The following SNX29 variants were observed in gnomAD, a reference collection of about 807,000 sequenced individuals.
SNX29 encodes sorting nexin-29.
In SNX29, 78 loss-of-function variants were observed where a neutral mutation model predicts 102.1. The ratio of observed to expected loss-of-function variants is 0.76; its 90% CI spans 0.64 to 0.92. SNX29 has a LOEUF of 0.92. SNX29 is among the 40% of genes least tolerant of loss of function. The pLI is 0.00. For synonymous variants in SNX29, 580 were observed against 414.5 expected, an observed-to-expected ratio of 1.40 and a Z score of -4.85; for missense variants, 1,280 against 1,061.7, an observed-to-expected ratio of 1.21 and a Z score of -2.86.
intron 19 of SNX29, among the ~76,000 whole-genome samples, chr16:12,501,741 A>AAG (rs2089136378): frequency 6.7e-6 from 1 of 150,262 alleles, no homozygotes; most frequent in Admixed American, 6.8e-5. Context: ...AAAAAAAAAA[A>AAG]AAAAAAAAAA....
chr16:12,354,670 A>G (rs372339264), intron 15 of SNX29, among the ~76,000 whole-genome samples: 2 of 152,330 alleles, frequency 1.3e-5, no homozygotes, highest in Non-Finnish European at 1.5e-5. Context: ...GAATGGATTC[A>G]CAGCCCAGAG....
intron 13 of SNX29, among the ~76,000 whole-genome samples, chr16:12,138,224 T>C (rs75526889): frequency 1.3e-5 from 2 of 150,926 alleles, no homozygotes; most frequent in Non-Finnish European, 3.0e-5. Flanking sequence ...TTTTTTTTTT[T>C]TGAGGTGGAG....
At chr16:12,420,175 T>A (rs1373500143) in intron 18 of SNX29, among the ~76,000 whole-genome samples, 1 of 152,220 alleles carries the variant, frequency 6.6e-6, no homozygotes, top group Non-Finnish European at 1.5e-5. Flanking sequence ...CTAAGATGTC[T>A]CCAGCATTGA....
chr16:12,393,392 T>TCATGCATG (rs374651159), intron 16 of SNX29, among the ~76,000 whole-genome samples: 43,181 of 141,592 alleles, frequency 0.3, 7,834 homozygotes, highest in East Asian at 0.46. Flanking sequence ...ATTCATTCAT[T>TCATGCATG]CATGCATGCA....
intron 16 of SNX29, 76 bp downstream of exon 16, chr16:12,356,355 C>A (rs2082136795): frequency 1.5e-6 from 2 of 1,359,654 alleles, no homozygotes; most frequent in African/African-American, 1.4e-5. Context: ...CAGAGACTCA[C>A]AGAGCAAGCA....
intron 20 of SNX29, among the ~76,000 whole-genome samples, chr16:12,531,402 C>G (rs947331981): frequency 2.6e-5 from 4 of 151,802 alleles, no homozygotes; most frequent in Non-Finnish European, 2.9e-5. Flanking sequence ...CTAGGGTGCC[C>G]TCAAAATGTT....
chr16:12,484,191 C>T (rs886200287), intron 19 of SNX29, among the ~76,000 whole-genome samples: 2 of 152,134 alleles, frequency 1.3e-5, no homozygotes, highest in African/African-American at 4.8e-5. Context: ...CTCTGTCACC[C>T]AGGCTGGAGT....
At chr16:12,297,202 T>C (rs1349638116) in intron 15 of SNX29, 2 of 152,370 alleles carry the variant, frequency 1.3e-5, no homozygotes, top group Admixed American at 6.5e-5. Context: ...ACGGCACCTG[T>C]TGGGGTCTGG....
intron 16 of SNX29, chr16:12,373,746 C>G (rs898161388): frequency 2.6e-5 from 4 of 152,134 alleles, no homozygotes; most frequent in African/African-American, 9.7e-5. Flanking sequence ...TCCTGACTAC[C>G]GATGCCCTGA....
intron 6 of SNX29, among the ~76,000 whole-genome samples, 167 bp downstream of exon 6, chr16:12,046,621 T>A (rs903998776): frequency 5.3e-5 from 8 of 152,324 alleles, no homozygotes; most frequent in Admixed American, 1.3e-4. Context: ...GTTGGTTTTT[T>A]AATTTGTATT....
At chr16:12,387,078 T>C (rs1346583828) in intron 16 of SNX29, among the ~76,000 whole-genome samples, 2 of 151,128 alleles carry the variant, frequency 1.3e-5, no homozygotes, top group African/African-American at 2.4e-5. Flanking sequence ...TGAGCCGAGA[T>C]TGTGCCACTG....
intron 11 of SNX29, among the ~76,000 whole-genome samples, chr16:12,123,806 C>T (rs1049481623): frequency 5.9e-5 from 9 of 152,168 alleles, no homozygotes; most frequent in Non-Finnish European, 8.8e-5. Context: ...AAGGGCTGGA[C>T]AGTAGATATT....
At chr16:12,292,888 C>T (rs1596787831) in intron 15 of SNX29, among the ~76,000 whole-genome samples, 1 of 152,158 alleles carries the variant, frequency 6.6e-6, no homozygotes, top group Admixed American at 6.6e-5. Flanking sequence ...TTTTACTAAC[C>T]TTGTTTAAGT....
rs1166313764 is a variant in SNX29 at position 12,362,569 on chromosome 16, C to G, written c.1899+6290C>G. 1.4e-3 allele frequency among the ~76,000 whole-genome samples: 109 copies of G among 75,504 alleles called. 7 individuals are homozygous for G. The highest frequency in any genetic ancestry group is 4.4e-3 in the African/African-American group (96 of 22,018). 49.5% of individuals were successfully genotyped at this position (75,504 alleles called of 152,430 possible). On this transcript the variant is annotated intron_variant, in intron 16 of 20. Coordinates refer to ENST00000566228, the MANE Select transcript of SNX29 (RefSeq NM_032167.5). ...CTGCTGCACTCCCCCCCCACCCCCC[C>G]CCCCACCAGTTTCTCCTCATGCTCC...
rs913535627 is a variant in SNX29, at chr16:12,448,406, A to C, written c.2038-29313A>C. ...TCCCATGATACATTGCCATATCTTC[A>C]ATTGCTGGTGAACATGTTTTTCATA... On this transcript the variant is annotated intron_variant, in intron 18 of 20. Coordinates refer to ENST00000566228, the MANE Select transcript of SNX29 (RefSeq NM_032167.5). 7.9e-5 allele frequency among the ~76,000 whole-genome samples: 12 copies of C among 152,192 alleles called. 1 individual carries two copies. The highest frequency in any genetic ancestry group is 7.2e-4 in the Admixed American group (11 of 15,288).
chr16:12,027,232 G>A lies in SNX29; in HGVS notation c.123-88G>A, dbSNP rs373102305. On this transcript the variant is annotated intron_variant, in intron 3 of 20. Transcript: ENST00000566228. Reference sequence around the variant, plus strand: ...CTTCACGCTGAGGTTTACACCTGGCGGCTTACTCACTTCCTGGAGATGCTG... The same window carrying A: ...CTTCACGCTGAGGTTTACACCTGGCAGCTTACTCACTTCCTGGAGATGCTG... The A allele has an allele frequency of 1.0e-5, 16 of 1,549,852 alleles. No homozygotes were observed. The South Asian group carries it at 1.0e-4, about 10-fold the overall frequency.
At chr16:12,509,072 A>G (rs759829257) in intron 19 of SNX29, among the ~76,000 whole-genome samples, 56 of 151,960 alleles carry the variant, frequency 3.7e-4, no homozygotes, top group Admixed American at 6.6e-4. Flanking sequence ...CCACTGAGAC[A>G]TTTCAGCCTG....
rs887249385 is a variant in SNX29 at position 12,571,203 on chromosome 16, A to C, written c.*2574A>C. 1 of 232,376 alleles carries C rather than the reference A, an allele frequency of 4.3e-6. No individual in the cohort carries two copies. Among genetic ancestry groups the C allele is most frequent in the East Asian group, 6.1e-5 (1 of 16,474 alleles). The allele number at this position is 232,376 out of a possible 1,614,324, so 14.4% of individuals were successfully genotyped here. Reference sequence around the variant, plus strand: ...TGGTGGGATGAACTTCAGGCAACAAACAACTGGCAGGGTTCCCAGTTCCTG... The same window carrying C: ...TGGTGGGATGAACTTCAGGCAACAACCAACTGGCAGGGTTCCCAGTTCCTG... On this transcript the variant is annotated 3_prime_UTR_variant, in exon 21 of 21. Coordinates refer to ENST00000566228, the MANE Select transcript of SNX29 (RefSeq NM_032167.5).
chr16:12,008,746 TTC>T (rs1314055192), intron 3 of SNX29, among the ~76,000 whole-genome samples: 2 of 151,346 alleles, frequency 1.3e-5, no homozygotes, highest in African/African-American at 2.4e-5. Flanking sequence ...TTTTTTTTTT[TTC>T]TTTTTTAACT....
Sources: allele counts gnomAD v4.1 joint callset (sites outside exome capture counted in the v4.1 genomes callset), GRCh38; gene constraint gnomAD v4.1.1; transcripts MANE v1.5; gene names NCBI Gene and HGNC (gene_info 2026-07-23, HGNC 2026-07-21).